AZIN2: variants seen among roughly 807,000 people sequenced by gnomAD.
AZIN2 encodes the protein antizyme inhibitor 2.
AZIN2 carries 28 observed loss-of-function variants against 47.8 expected under a neutral mutation model. That is an observed-to-expected ratio of 0.59 (90% CI 0.43 to 0.80). The LOEUF (loss-of-function observed/expected upper bound fraction) is 0.80, where lower values mean the gene tolerates loss of function less well. Among genes scored for constraint, AZIN2 ranks in the 30% least tolerant of loss-of-function variants. The pLI, the probability that AZIN2 is intolerant of heterozygous loss-of-function variation, is 0.00. For missense variants in AZIN2, 535 were observed against 582.5 expected, an observed-to-expected ratio of 0.92 and a Z score of 0.84; for synonymous variants, 221 against 239.4, an observed-to-expected ratio of 0.92 and a Z score of 0.71.
intron 10 of AZIN2, among the ~76,000 whole-genome samples, chr1:33,103,156 A>G (rs975991009): frequency 1.3e-5 from 2 of 152,118 alleles, no homozygotes; most frequent in Non-Finnish European, 2.9e-5. Flanking sequence ...TCCACGCTGC[A>G]GACAGAATGA....
chr1:33,128,669 A>G, the AZIN2 span, among the ~76,000 whole-genome samples: 16 of 152,304 alleles, frequency 1.1e-4, no homozygotes, highest in African/African-American at 3.6e-4. Flanking sequence ...GCATCCTATT[A>G]CAAAGTGGCT....
At chr1:33,125,777 CACTT>C (rs1557737592), downstream of AZIN2, among the ~76,000 whole-genome samples, 1 of 152,086 alleles carries the variant, frequency 6.6e-6, no homozygotes, top group Non-Finnish European at 1.5e-5. Context: ...ATGCCAGACA[CACTT>C]ACAACCCCAA....
At chr1:33,144,817 G>A in the AZIN2 span, among the ~76,000 whole-genome samples, 1 of 152,152 alleles carries the variant, frequency 6.6e-6, no homozygotes, top group Non-Finnish European at 1.5e-5. Flanking sequence ...TAAGGAGAAA[G>A]ACAGACTTCT....
In AZIN2 at chr1:33,107,144, C is replaced by T. The variant is rs1067143; in HGVS notation, c.1029+8965C>T. Among the ~76,000 whole-genome samples, 15 of 151,688 alleles carry T rather than the reference C, an allele frequency of 9.9e-5. No individual in the cohort carries two copies. The East Asian group carries it at 1.4e-3, about 14-fold the overall frequency. ...TACTAGAGATACAAAATTATCCAGG[C>T]GTAAAGATGTGTGCCTGTAATCCTA... On this transcript the variant is annotated intron_variant, in intron 10 of 11. Coordinates refer to ENST00000294517, the MANE Select transcript of AZIN2 (RefSeq NM_052998.4).
chr1:33,084,029 C>T lies in AZIN2; in HGVS notation c.181C>T (p.Pro61Ser). Residue 61 changes from proline (P) to serine (S), a missense_variant, in exon 5 of 12, where the codon CCA (proline) becomes TCA (serine). Pro to Ser is a moderately conservative substitution (Grantham distance 74). Transcript: ENST00000294517. ...RKHFCFLKCL[P>S]RVRPFYAVKC... is the part of the protein sequence containing the mutation. ...GCACTTTTGCTTTCTGAAGTGCCTGCCACGAGTCCGGCCCTTTTATGCTGT... is the reference window on the plus strand; with the variant it reads ...GCACTTTTGCTTTCTGAAGTGCCTGTCACGAGTCCGGCCCTTTTATGCTGT... 1 of 1,614,182 alleles carries T rather than the reference C, an allele frequency of 6.2e-7. No individual in the cohort carries two copies. The highest frequency in any genetic ancestry group is 1.1e-5 in the South Asian group (1 of 91,084).
rs1479840945 is a variant in AZIN2 at position 33,122,821 on chromosome 1, T to A, written c.*2639T>A. 2.0e-5 allele frequency among the ~76,000 whole-genome samples: 3 copies of A among 152,178 alleles called. No individual in the cohort carries two copies. The highest frequency in any genetic ancestry group is 4.4e-5 in the Non-Finnish European group (3 of 68,026). On this transcript the variant is annotated 3_prime_UTR_variant, in exon 12 of 12. Transcript: ENST00000294517. ...CTGCGCGCACACTCACTCTCTCTCA[T>A]TCTCTCCTTCAAGGAGTTAACAGAT...
At chr1:33,101,105 A>T (rs1643650183) in intron 10 of AZIN2, among the ~76,000 whole-genome samples, 1 of 152,136 alleles carries the variant, frequency 6.6e-6, no homozygotes, top group Middle Eastern at 3.2e-3. Flanking sequence ...CAAGTGATCC[A>T]TCTGGCTCGG....
intron 10 of AZIN2, among the ~76,000 whole-genome samples, chr1:33,116,173 C>G (rs1238517429): frequency 2.0e-5 from 3 of 152,118 alleles, no homozygotes; most frequent in African/African-American, 2.4e-5. Context: ...TAGATCACAG[C>G]CTGGCAATTA....
Position 33,123,172 on chromosome 1 carries a change from T to A in AZIN2, c.*2990T>A, listed in dbSNP as rs2124684388. On this transcript the variant is annotated 3_prime_UTR_variant, in exon 12 of 12. Coordinates refer to ENST00000294517, the MANE Select transcript of AZIN2 (RefSeq NM_052998.4). ...GTTCTGTGCAAATGTTTTCTTTAGG[T>A]GAAGCCTTCTGGATCACCCTTTAGA... 6.6e-6 allele frequency among the ~76,000 whole-genome samples: 1 copy of A among 152,344 alleles called. No homozygotes were observed. The highest frequency in any genetic ancestry group is 2.4e-5 in the African/African-American group (1 of 41,584).
the AZIN2 span, among the ~76,000 whole-genome samples, chr1:33,140,773 G>C: frequency 1.3e-5 from 2 of 152,146 alleles, no homozygotes; most frequent in Admixed American, 6.5e-5. This position sits in a 1 kb window ranked among gnomAD's most constrained non-coding sequence, Gnocchi z 4.0. Context: ...AAGTGGCTCT[G>C]CCCTGGAGGT....
chr1:33,126,061 A>G (rs112185704), downstream of AZIN2, among the ~76,000 whole-genome samples: 318 of 152,326 alleles, frequency 2.1e-3, 5 homozygotes, highest in South Asian at 0.013. Flanking sequence ...AATCCCCTTC[A>G]GAGCCTTACT....
intron 5 of AZIN2, among the ~76,000 whole-genome samples, chr1:33,091,113 G>A (rs1642500621): frequency 6.6e-6 from 1 of 152,222 alleles, no homozygotes; most frequent in Admixed American, 6.5e-5. Context: ...ACACTTAGGT[G>A]GCTTGCGTAT....
chr1:33,158,230 G>T, the AZIN2 span: 1 of 1,606,916 alleles, frequency 6.2e-7, no homozygotes, highest in Non-Finnish European at 8.5e-7. Flanking sequence ...CCTAGCTCTG[G>T]ACCATGATAA....
At position 33,120,052 on chromosome 1, in the gene AZIN2, T is replaced by C. The variant is rs925146246; in HGVS notation, c.1253T>C (p.Leu418Pro). The change falls in exon 12 of 12, where the codon CTG (leucine) becomes CCG (proline). Residue 418 changes from leucine (L) to proline (P), a missense_variant. Leu to Pro is a moderately conservative substitution (Grantham distance 98). Transcript: ENST00000294517. ...YAMSRVAWEA[L>P]RRQLMAAEQE... ...CCCTCTCTCACCCCTAGGGAAGCGCTGCGAAGGCAGCTGATGGCTGCAGAA... is the reference window on the plus strand; with the variant it reads ...CCCTCTCTCACCCCTAGGGAAGCGCCGCGAAGGCAGCTGATGGCTGCAGAA... The C allele has an allele frequency of 8.7e-6, 14 of 1,613,864 alleles. No individual in the cohort carries two copies. The highest frequency in any genetic ancestry group is 1.1e-5 in the Non-Finnish European group (13 of 1,179,932).
At chr1:33,111,985 A>G (rs1644310339) in intron 10 of AZIN2, among the ~76,000 whole-genome samples, 1 of 152,226 alleles carries the variant, frequency 6.6e-6, no homozygotes, top group Admixed American at 6.5e-5. Context: ...AAATACAGGC[A>G]AGAGACTTTA....
chr1:33,101,973 T>C, intron 10 of AZIN2: 2 of 726,986 alleles, frequency 2.8e-6, no homozygotes, highest in South Asian at 2.9e-5. Flanking sequence ...TTTTTGCTAC[T>C]GTGAATACTG....
In AZIN2 at chr1:33,084,151, C is replaced by T. The variant is rs778103114; in HGVS notation, c.279+24C>T. On this transcript the variant is annotated intron_variant, in intron 5 of 11. Transcript: ENST00000294517. ...AGGTGAGCCCTGCCCGCACGGTGCA[C>T]TGACCCTCCATGCCCACTGAACACA... The T allele has an allele frequency of 3.7e-6, 6 of 1,603,772 alleles. No individual in the cohort carries two copies. The Admixed American group carries it at 1.0e-4, about 27-fold the overall frequency.
the AZIN2 span, among the ~76,000 whole-genome samples, chr1:33,160,553 C>T: frequency 0.27 from 41,428 of 151,648 alleles, 7,015 homozygotes; most frequent in Admixed American, 0.44. Flanking sequence ...TACAGGAGCC[C>T]GCCACTATGC....
chr1:33,094,806 C>T lies in AZIN2; in HGVS notation c.753+93C>T, dbSNP rs966940467. On this transcript the variant is annotated intron_variant, in intron 8 of 11. Transcript: ENST00000294517. ...CGGAGGGAGACCACCGTGCGTGGGTCCTATGCACTGCATGCAGTGCTTGGT... is the reference window on the plus strand; with the variant it reads ...CGGAGGGAGACCACCGTGCGTGGGTTCTATGCACTGCATGCAGTGCTTGGT... The T allele has an allele frequency of 3.6e-6, 5 of 1,374,742 alleles. No individual in the cohort carries two copies. The African/African-American group carries it at 7.1e-5, about 20-fold the overall frequency. 85.2% of individuals were successfully genotyped at this position (1,374,742 alleles called of 1,614,324 possible).
Sources: allele counts gnomAD v4.1 joint callset (sites outside exome capture counted in the v4.1 genomes callset), GRCh38; gene constraint gnomAD v4.1.1; non-coding constraint Gnocchi (gnomAD v3.1); transcripts MANE v1.5; gene names NCBI Gene and HGNC (gene_info 2026-07-23, HGNC 2026-07-21).